NCOR1: variants seen among roughly 807,000 people sequenced by gnomAD.
NCOR1 encodes protein phosphatase 1, regulatory subunit 109.
A neutral mutation model predicts 288.1 loss-of-function variants in NCOR1; 63 were observed. The observed-to-expected ratio is 0.22, with a 90% CI of 0.18 to 0.27. The LOEUF (loss-of-function observed/expected upper bound fraction) is 0.27. NCOR1 is among the 10% of genes least tolerant of loss of function. The pLI, the probability that NCOR1 is intolerant of heterozygous loss-of-function variation, is 1.00. For missense variants in NCOR1, 2,397 were observed against 3,019.2 expected (o/e 0.79, Z 4.83); for synonymous variants, 1,007 against 1,065.9 (o/e 0.94, Z 1.08).
At chr17:16,209,530 G>C (rs2153613920) in intron 1 of NCOR1, among the ~76,000 whole-genome samples, 1 of 150,522 alleles carries the variant, frequency 6.6e-6, no homozygotes, top group Middle Eastern at 3.4e-3. Context: ...AGACCAGGCT[G>C]GGCAAAACAA....
rs775515288 is a variant in NCOR1 at position 16,039,612 on chromosome 17, C to T, written c.6776G>A (p.Ser2259Asn). The T allele has an allele frequency of 6.2e-7, 1 of 1,614,122 alleles. No homozygotes were observed. Among genetic ancestry groups the T allele is most frequent in the African/African-American group, 1.3e-5 (1 of 75,028 alleles). Reference protein sequence around the residue: ...SRGHSFADPASNLGLEDIIRK... With the variant: ...SRGHSFADPANNLGLEDIIRK... ...GATAATGTCTTCCAGCCCAAGATTACTGGCAGGATCAGCAAAAGAATGGCC... is the reference window on the plus strand; with the variant it reads ...GATAATGTCTTCCAGCCCAAGATTATTGGCAGGATCAGCAAAAGAATGGCC... Residue 2259 changes from serine (S) to asparagine (N), a missense_variant, in exon 44 of 46, where the codon AGT becomes AAT. Physicochemically the swap from Ser to Asn is conservative, Grantham distance 46. Around this residue, in one of 11 missense-constraint regions of NCOR1, gnomAD observed 1,872 missense variants for 2,187.8 expected, o/e 0.86. Coordinates refer to ENST00000268712, the MANE Select transcript of NCOR1 (RefSeq NM_006311.4).
chr17:16,131,728 C>A (rs886969102), intron 14 of NCOR1, among the ~76,000 whole-genome samples: 1 of 152,214 alleles, frequency 6.6e-6, no homozygotes. Context: ...CCTAAGCCAA[C>A]TGAATTTCAG....
At chr17:16,147,069 T>C (rs2078104870) in intron 9 of NCOR1, among the ~76,000 whole-genome samples, 1 of 152,160 alleles carries the variant, frequency 6.6e-6, no homozygotes, top group Non-Finnish European at 1.5e-5. Flanking sequence ...TAACAAACAT[T>C]TTGACAGTAT....
At chr17:16,095,789 G>A (rs1450025019) in intron 21 of NCOR1, among the ~76,000 whole-genome samples, 2 of 150,674 alleles carry the variant, frequency 1.3e-5, no homozygotes, top group Admixed American at 6.6e-5. Flanking sequence ...GAAGTGAGGA[G>A]CCCCTCTGCC....
intron 1 of NCOR1, among the ~76,000 whole-genome samples, chr17:16,210,110 G>A (rs1196162153): frequency 6.6e-6 from 1 of 151,932 alleles, no homozygotes; most frequent in Non-Finnish European, 1.5e-5. Context: ...TAGGCCAGGT[G>A]TGGTGGCTCA....
intron 35 of NCOR1, 112 bp from the exon 36 acceptor site, chr17:16,062,382 AAAACAAGAT>A (rs1319811066): frequency 1.2e-5 from 13 of 1,095,052 alleles, no homozygotes; most frequent in Admixed American, 7.5e-5. Flanking sequence ...AGAAAAAAGA[AAAACAAGAT>A]AAGAAACTTG....
At chr17:16,127,552 C>CAT (rs1258914479) in intron 14 of NCOR1, among the ~76,000 whole-genome samples, 6 of 120,614 alleles carry the variant, frequency 5.0e-5, no homozygotes, top group Admixed American at 1.6e-4. Flanking sequence ...TATATATACA[C>CAT]ATGTGTATAT....
At chr17:16,040,335 AGAGCAGTCACTCCCCTGGTATACAGTTG>A in intron 43 of NCOR1, 78 bp downstream of exon 43, 2 of 910,160 alleles carry the variant, frequency 2.2e-6, no homozygotes, top group Non-Finnish European at 3.6e-6. Context: ...TTTCCATATT[AGAGCAGTCACTCCCCTGGTATACAGTTG>A]GTACTCAGTA....
intron 18 of NCOR1, among the ~76,000 whole-genome samples, chr17:16,116,874 A>AT (rs2071712811): frequency 6.6e-6 from 1 of 152,264 alleles, no homozygotes; most frequent in African/African-American, 2.4e-5. Flanking sequence ...TGAAAAATAC[A>AT]TTGAGTACTA....
chr17:16,039,360 G>T, intron 44 of NCOR1, 73 bp downstream of exon 44: 2 of 1,336,846 alleles, frequency 1.5e-6, no homozygotes, highest in Non-Finnish European at 2.1e-6. Flanking sequence ...TCTTAGTGAT[G>T]CATCAGAATT....
intron 40 of NCOR1, among the ~76,000 whole-genome samples, chr17:16,056,308 CTTTTT>C (rs71299858): frequency 1.7e-4 from 16 of 96,014 alleles, no homozygotes; most frequent in African/African-American, 6.0e-4. Context: ...TTCTTTTTAT[CTTTTT>C]TTTTTTTTTT....
intron 1 of NCOR1, among the ~76,000 whole-genome samples, chr17:16,207,865 G>A (rs1245647340): frequency 1.3e-5 from 2 of 151,516 alleles, no homozygotes; most frequent in Admixed American, 6.6e-5. Context: ...TTTGTTCCTC[G>A]AGTACACTGT....
rs934906500 is a variant in NCOR1 at position 16,031,961 on chromosome 17, A to G, written c.*335T>C. ...AGGGGATATACACTGCAAAAAGGTC[A>G]TCTATTTACAGAAGAGTGATTTAAA... On this transcript the variant is annotated 3_prime_UTR_variant, in exon 46 of 46. Coordinates refer to ENST00000268712, the MANE Select transcript of NCOR1 (RefSeq NM_006311.4). The G allele has an allele frequency of 3.3e-6, 1 of 305,536 alleles. No homozygotes were observed. The highest frequency in any genetic ancestry group is 2.2e-5 in the African/African-American group (1 of 46,210). 18.9% of individuals were successfully genotyped at this position (305,536 alleles called of 1,614,324 possible).
At position 16,046,807 on chromosome 17, in the gene NCOR1, T is replaced by C. The variant is rs542360280; in HGVS notation, c.6679+144A>G. 81 of 951,484 alleles carry C rather than the reference T, an allele frequency of 8.5e-5. 1 individual carries two copies. In the African/African-American group the frequency reaches 1.1e-3, roughly 13 times the overall value. The allele number at this position is 951,484 out of a possible 1,614,324, so 58.9% of individuals were successfully genotyped here. ...GAACTCTTCATGGGCTGGCAGACAC[T>C]TGAGAAGGAACTCTAGGATCAGATG... On this transcript the variant is annotated intron_variant, in intron 42 of 45. Coordinates refer to ENST00000268712, the MANE Select transcript of NCOR1 (RefSeq NM_006311.4).
At chr17:16,137,248 C>G in intron 14 of NCOR1, 63 bp downstream of exon 14, 2 of 1,040,052 alleles carry the variant, frequency 1.9e-6, no homozygotes, top group Non-Finnish European at 2.9e-6. Flanking sequence ...TCTGTTTTAA[C>G]ACTTTTTGCT....
intron 42 of NCOR1, among the ~76,000 whole-genome samples, chr17:16,045,479 C>A (rs1443160469): frequency 6.6e-6 from 1 of 152,080 alleles, no homozygotes; most frequent in Non-Finnish European, 1.5e-5. Flanking sequence ...CCTTTTGCTA[C>A]CATTATTACT....
At position 16,080,099 on chromosome 17, in the gene NCOR1, C is replaced by A. The variant is rs1211539991; in HGVS notation, c.3401-35G>T. On this transcript the variant is annotated intron_variant, in intron 25 of 45. Transcript: ENST00000268712. ...AACAAAGCTATTAGCAAATTACACC[C>A]CCAGCCCCTGCCCCAAAACATAAAA... The A allele has an allele frequency of 2.6e-6, 4 of 1,559,348 alleles. No individual in the cohort carries two copies. In the Admixed American group the frequency reaches 6.7e-5, roughly 26 times the overall value.
chr17:16,120,752 G>C (rs547094042), intron 16 of NCOR1, among the ~76,000 whole-genome samples: 1 of 152,186 alleles, frequency 6.6e-6, no homozygotes, highest in East Asian at 1.9e-4. Flanking sequence ...AATGGTTAAA[G>C]AAGTCATGCC....
chr17:16,102,948 C>T lies in NCOR1; in HGVS notation c.2183-1191G>A, dbSNP rs143425690. ...TCAAGTGCTCAATAGCCACAAGTGTCTAGCGGCTACCACACTGGACAGAAG... is the reference window on the plus strand; with the variant it reads ...TCAAGTGCTCAATAGCCACAAGTGTTTAGCGGCTACCACACTGGACAGAAG... On this transcript the variant is annotated intron_variant, in intron 19 of 45. Coordinates refer to ENST00000268712, the MANE Select transcript of NCOR1 (RefSeq NM_006311.4). 2.6e-4 allele frequency among the ~76,000 whole-genome samples: 40 copies of T among 152,340 alleles called. 1 individual carries two copies. The East Asian group carries it at 7.5e-3, about 29-fold the overall frequency.
Sources: gnomAD v4.1 joint callset for allele counts (sites outside exome capture counted in the v4.1 genomes callset) on GRCh38, gnomAD v4.1.1 for gene constraint, gnomAD v4.1.1 regional missense constraint, MANE v1.5 for transcripts, NCBI Gene and HGNC (gene_info 2026-07-23, HGNC 2026-07-21) for gene names.